Variants in RERE observed in about 807,000 individuals in gnomAD.
RERE encodes the protein arginine-glutamic acid dipeptide repeats, also known as arginine-glutamic acid dipeptide repeats protein.
In RERE, 40 loss-of-function variants were observed where a neutral mutation model predicts 146.1. The ratio of observed to expected loss-of-function variants is 0.27; its 90% confidence interval spans 0.21 to 0.36. The LOEUF is 0.36. Among genes scored for constraint, RERE ranks in the 10% least tolerant of loss-of-function variants. The pLI is 1.00. For synonymous variants in RERE, 1,003 were observed against 866.0 expected (o/e 1.16, Z -2.78); for missense variants, 1,933 against 2,138.7 (o/e 0.90, Z 1.90).
Position 8,542,225 on chromosome 1 carries a change from CCAAGTGGAAGCCAAAGG to C in RERE, c.726-924_726-908del, listed in dbSNP as rs1645808704. On this transcript the variant is annotated intron_variant, in intron 6 of 22. Transcript: ENST00000400908. ...TAACTCCCTCCTGGTCACTTTAATG[CCAAGTGGAAGCCAAAGG>C]CTACAGTGAGGTTAGATGGAAATGG... is the stretch of plus-strand genomic sequence containing the variant. Among the ~76,000 whole-genome samples, 10 of 152,184 alleles carry C rather than the reference CCAAGTGGAAGCCAAAGG, an allele frequency of 6.6e-5. No individual in the cohort carries two copies. In the South Asian group the frequency reaches 2.1e-3, roughly 32 times the overall value.
At chr1:8,725,479 T>C (rs1170097889) in intron 1 of RERE, among the ~76,000 whole-genome samples, 1 of 152,078 alleles carries the variant, frequency 6.6e-6, no homozygotes, top group Non-Finnish European at 1.5e-5. Flanking sequence ...GGCAGGAGAA[T>C]TGCTTGAACC....
intron 6 of RERE, among the ~76,000 whole-genome samples, chr1:8,548,527 A>G (rs1645895134): frequency 6.6e-6 from 1 of 152,238 alleles, no homozygotes; most frequent in South Asian, 2.1e-4. Flanking sequence ...CGAAAACAAA[A>G]AGAGTCAATA....
intron 1 of RERE, among the ~76,000 whole-genome samples, chr1:8,783,955 C>T (rs1246885165): frequency 2.0e-5 from 3 of 152,184 alleles, no homozygotes. Flanking sequence ...AATGGGCTGT[C>T]CCTAAGAGCC....
At chr1:8,707,518 G>A (rs762029919) in intron 1 of RERE, among the ~76,000 whole-genome samples, 40 of 152,080 alleles carry the variant, frequency 2.6e-4, no homozygotes, top group Non-Finnish European at 3.5e-4. Context: ...CAAGACCACC[G>A]AGGCAGCAAG....
chr1:8,788,051 T>C (rs1416277872), intron 1 of RERE, among the ~76,000 whole-genome samples: 1 of 152,012 alleles, frequency 6.6e-6, no homozygotes, highest in East Asian at 1.9e-4. Flanking sequence ...TTAGCCATGA[T>C]GGTGCCACTG....
intron 1 of RERE, among the ~76,000 whole-genome samples, chr1:8,668,366 C>G (rs1439720386): frequency 6.6e-6 from 1 of 152,162 alleles, no homozygotes; most frequent in East Asian, 1.9e-4. Context: ...CATAGGTGAC[C>G]TGCTCTGGTC....
chr1:8,490,511 A>C (rs1644967120), intron 10 of RERE, among the ~76,000 whole-genome samples: 1 of 150,420 alleles, frequency 6.6e-6, no homozygotes, highest in Admixed American at 6.6e-5. Context: ...TTTTATTTAT[A>C]ATGGCCAAAA....
At chr1:8,724,827 T>C (rs953654326) in intron 1 of RERE, among the ~76,000 whole-genome samples, 1 of 99,404 alleles carries the variant, frequency 1.0e-5, no homozygotes, top group South Asian at 3.6e-4. Context: ...AGACTCCATC[T>C]CAAAACAAAA....
chr1:8,499,950 T>C (rs1388695298), intron 8 of RERE, among the ~76,000 whole-genome samples: 1 of 152,178 alleles, frequency 6.6e-6, no homozygotes, highest in Non-Finnish European at 1.5e-5. Flanking sequence ...TGAAACCCTG[T>C]CTCTACGAAA....
At chr1:8,497,351 A>G (rs971127190) in intron 9 of RERE, 54 bp downstream of exon 9, 16 of 1,602,030 alleles carry the variant, frequency 1.0e-5, no homozygotes, top group Admixed American at 6.7e-5. Flanking sequence ...TACTGCCTAT[A>G]ATCAGTTCAG....
intron 7 of RERE, among the ~76,000 whole-genome samples, chr1:8,519,005 T>TC (rs1389605390): frequency 2.0e-5 from 3 of 152,182 alleles, no homozygotes; most frequent in Admixed American, 1.3e-4. Context: ...CATGACACTG[T>TC]CACACCCACA....
rs957244532 is a variant in RERE at position 8,369,521 on chromosome 1, A to T, written c.1285-3547T>A. Among the ~76,000 whole-genome samples, 905 of 133,700 alleles carry T rather than the reference A, an allele frequency of 6.8e-3. 14 individuals are homozygous for T. Among genetic ancestry groups the T allele is most frequent in the African/African-American group, 0.033 (868 of 26,168 alleles). The allele number at this position is 133,700 out of a possible 152,430, so 87.7% of individuals were successfully genotyped here. ...TTCGCCTTTTACTAAAAAAAAAAAAAAAAAAAAAAAAAAAAAGAAGAAAAG... is the reference window on the plus strand; with the variant it reads ...TTCGCCTTTTACTAAAAAAAAAAAATAAAAAAAAAAAAAAAAGAAGAAAAG... On this transcript the variant is annotated intron_variant, in intron 12 of 22. Coordinates refer to ENST00000400908, the MANE Select transcript of RERE (RefSeq NM_001042681.2).
intron 9 of RERE, 146 bp downstream of exon 9, chr1:8,497,259 T>TC (rs1234764771): frequency 3.3e-5 from 22 of 672,066 alleles, no homozygotes; most frequent in Non-Finnish European, 5.0e-5. Context: ...AGAGCCAGGG[T>TC]CCCGATTACA....
intron 1 of RERE, among the ~76,000 whole-genome samples, chr1:8,805,161 T>C (rs1641665877): frequency 1.3e-5 from 2 of 151,926 alleles, no homozygotes; most frequent in African/African-American, 4.8e-5. Flanking sequence ...CCCGCCACCA[T>C]ACCCAGCTAT....
At chr1:8,695,587 TAAAAAAAAAAA>T (rs34953565) in intron 1 of RERE, among the ~76,000 whole-genome samples, 4 of 36,726 alleles carry the variant, frequency 1.1e-4, no homozygotes, top group African/African-American at 2.4e-4. Context: ...CCATTTCTAC[TAAAAAAAAAAA>T]AAAAAAAAAA....
intron 6 of RERE, among the ~76,000 whole-genome samples, chr1:8,547,689 C>T (rs2124405096): frequency 6.6e-6 from 1 of 152,254 alleles, no homozygotes; most frequent in South Asian, 2.1e-4. Flanking sequence ...CACTTCTCAC[C>T]TATCAGACTT....
chr1:8,659,494 T>G (rs756411978), intron 1 of RERE, among the ~76,000 whole-genome samples: 1 of 152,150 alleles, frequency 6.6e-6, no homozygotes, highest in East Asian at 1.9e-4. Flanking sequence ...GAAGCGGAGG[T>G]TGCAATGAGC....
intron 11 of RERE, among the ~76,000 whole-genome samples, chr1:8,448,738 A>T (rs969865714): frequency 2.0e-5 from 3 of 152,172 alleles, no homozygotes; most frequent in Non-Finnish European, 2.9e-5. Context: ...CTGAGGCAGT[A>T]GAATCTCTTG....
intron 1 of RERE, among the ~76,000 whole-genome samples, chr1:8,811,808 C>G (rs888617759): frequency 6.6e-6 from 1 of 152,222 alleles, no homozygotes; most frequent in Non-Finnish European, 1.5e-5. Context: ...AAGGTTAGTC[C>G]AGGCCAACCA....
Sources: allele counts gnomAD v4.1 joint callset (sites outside exome capture counted in the v4.1 genomes callset), GRCh38; gene constraint gnomAD v4.1.1; transcripts MANE v1.5; gene names NCBI Gene and HGNC (gene_info 2026-07-23, HGNC 2026-07-21).